The following EXOC4 variants were observed in gnomAD, a reference collection of about 807,000 sequenced individuals.
EXOC4 encodes the protein exocyst complex component 4.
In EXOC4, 71 loss-of-function variants were observed where a neutral mutation model predicts 107.2. That is an observed-to-expected ratio of 0.66 (90% CI 0.55 to 0.81). The LOEUF (loss-of-function observed/expected upper bound fraction) is 0.81, where lower values mean the gene tolerates loss of function less well. EXOC4 is among the 30% of genes least tolerant of loss of function. The pLI is 0.00. For missense variants in EXOC4, 1,108 were observed against 1,189.6 expected, an observed-to-expected ratio of 0.93 and a Z score of 1.01; for synonymous variants, 456 against 441.2, an observed-to-expected ratio of 1.03 and a Z score of -0.42.
chr7:133,834,207 C>A (rs1396932966), intron 11 of EXOC4, among the ~76,000 whole-genome samples: 1 of 151,978 alleles, frequency 6.6e-6, no homozygotes, highest in Non-Finnish European at 1.5e-5. Context: ...CCTTTTTCTC[C>A]TTTTTTTCCT....
chr7:133,836,163 G>C (rs2151243648), intron 11 of EXOC4, among the ~76,000 whole-genome samples: 1 of 152,256 alleles, frequency 6.6e-6, no homozygotes, highest in East Asian at 1.9e-4. Context: ...ATTATTCTAA[G>C]TCATAAATCT....
chr7:133,679,327 A>G (rs545028896), intron 10 of EXOC4, among the ~76,000 whole-genome samples: 147 of 152,288 alleles, frequency 9.7e-4, no homozygotes, highest in African/African-American at 3.2e-3. Context: ...TTTTGAAACA[A>G]TCTTTCTCCC....
intron 9 of EXOC4, among the ~76,000 whole-genome samples, chr7:133,522,427 A>G (rs984517938): frequency 6.6e-6 from 1 of 152,122 alleles, no homozygotes; most frequent in Non-Finnish European, 1.5e-5. Flanking sequence ...TTTTACCAAG[A>G]CATTTATCCA....
At chr7:133,598,049 A>G (rs2150984521) in intron 9 of EXOC4, among the ~76,000 whole-genome samples, 1 of 152,042 alleles carries the variant, frequency 6.6e-6, no homozygotes, top group Admixed American at 6.6e-5. Flanking sequence ...GATGACAAAA[A>G]CCTCAATTAC....
Position 134,064,292 on chromosome 7 carries a change from C to A in EXOC4, c.2689C>A (p.Gln897Lys). The A allele has an allele frequency of 7.0e-7, 1 of 1,426,520 alleles. No homozygotes were observed. The highest frequency in any genetic ancestry group is 1.7e-5 in the South Asian group (1 of 60,560). 88.4% of individuals were successfully genotyped at this position (1,426,520 alleles called of 1,614,324 possible). Residue 897 changes from glutamine to lysine, a missense_variant and splice_region_variant, in exon 18 of 18, where the codon CAG becomes AAG. By Grantham distance (53) the Gln-to-Lys change is moderately conservative. Transcript: ENST00000253861. ...CAGTGTTCTCTCTTGCTTTCTCAGG[C>A]AGTACTACGAGATGCTTTACAACAC... The part of the protein sequence containing the change: ...SREADLDFAR[Q>K]YYEMLYNTAD...
At chr7:133,693,742 T>C (rs1794471519) in intron 10 of EXOC4, among the ~76,000 whole-genome samples, 1 of 152,172 alleles carries the variant, frequency 6.6e-6, no homozygotes, top group Non-Finnish European at 1.5e-5. Flanking sequence ...CTAGCCTCCG[T>C]AGTCCCTGGC....
chr7:133,291,894 A>G (rs66905772), intron 3 of EXOC4, among the ~76,000 whole-genome samples: 44,833 of 152,018 alleles, frequency 0.29, 7,491 homozygotes, highest in African/African-American at 0.46. Context: ...TTGGTCACAC[A>G]GCAACTTATC....
chr7:133,645,470 G>A (rs1417482082), intron 10 of EXOC4, among the ~76,000 whole-genome samples: 2 of 151,802 alleles, frequency 1.3e-5, no homozygotes, highest in Admixed American at 1.3e-4. Context: ...GACCTAGCAG[G>A]TTATTTCCTG....
chr7:133,997,580 A>G lies in EXOC4; in HGVS notation c.2295A>G (p.Lys765=). The change falls in exon 15 of 18, where the codon AAA becomes AAG. Residue 765 remains lysine, a synonymous_variant. Transcript: ENST00000253861. ...QIMQTLSELA[K]SFQDMADRCL... ...TGCAGACTCTCAGTGAACTTGCCAA[A>G]TCGTTCCAGGATATGGCTGACCGCT... The G allele has an allele frequency of 1.2e-6, 2 of 1,613,684 alleles. No homozygotes were observed. The highest frequency in any genetic ancestry group is 2.2e-5 in the South Asian group (2 of 91,060).
chr7:133,621,111 G>A (rs574178351), intron 9 of EXOC4, among the ~76,000 whole-genome samples: 2 of 152,318 alleles, frequency 1.3e-5, no homozygotes, highest in South Asian at 4.1e-4. Flanking sequence ...TATGCTCATG[G>A]AAGAGCTCCA....
At chr7:133,372,634 A>G (rs967317889) in intron 6 of EXOC4, among the ~76,000 whole-genome samples, 1 of 152,084 alleles carries the variant, frequency 6.6e-6, no homozygotes, top group Non-Finnish European at 1.5e-5. Flanking sequence ...TGTGGCACTC[A>G]TTGGCCCTGG....
chr7:133,578,925 C>G (rs1435527397), intron 9 of EXOC4, among the ~76,000 whole-genome samples: 1 of 152,168 alleles, frequency 6.6e-6, no homozygotes, highest in Non-Finnish European at 1.5e-5. Flanking sequence ...CACGACTGCT[C>G]TGCCCCTATC....
At chr7:133,406,478 C>T (rs1453036015) in intron 7 of EXOC4, among the ~76,000 whole-genome samples, 1 of 152,042 alleles carries the variant, frequency 6.6e-6, no homozygotes, top group African/African-American at 2.4e-5. Context: ...CTGGTTTTAC[C>T]CTTAATGTTT....
At chr7:133,602,943 G>A (rs1415710739) in intron 9 of EXOC4, among the ~76,000 whole-genome samples, 2 of 152,104 alleles carry the variant, frequency 1.3e-5, no homozygotes, top group Non-Finnish European at 2.9e-5. Context: ...GGCTCCCTAG[G>A]TTTTAAGATG....
At chr7:133,678,613 T>G (rs916076172) in intron 10 of EXOC4, among the ~76,000 whole-genome samples, 1 of 152,042 alleles carries the variant, frequency 6.6e-6, no homozygotes, top group Non-Finnish European at 1.5e-5. Context: ...CTCTTTTTTT[T>G]TTTTTCTTCT....
rs1489910909 is a variant in EXOC4, at chr7:133,647,652, G to T, written c.1514+17511G>T. Among the ~76,000 whole-genome samples the T allele has an allele frequency of 4.6e-5, 7 of 152,034 alleles. No individual in the cohort carries two copies. The South Asian group carries it at 8.3e-4, about 18-fold the overall frequency. On this transcript the variant is annotated intron_variant, in intron 10 of 17. Transcript: ENST00000253861. Reference sequence around the variant, plus strand: ...AACCCTTACCAGAGGAGGCTCAAAGGCTCGAGGACTCTTCCATAGTGGCTC... The same window carrying T: ...AACCCTTACCAGAGGAGGCTCAAAGTCTCGAGGACTCTTCCATAGTGGCTC...
At chr7:133,449,439 A>G (rs373858188) in intron 7 of EXOC4, among the ~76,000 whole-genome samples, 4 of 152,274 alleles carry the variant, frequency 2.6e-5, no homozygotes, top group Admixed American at 1.3e-4. Flanking sequence ...AAGAACACCT[A>G]TGTTCTGAAC....
At chr7:133,792,878 G>C (rs900550473) in intron 10 of EXOC4, among the ~76,000 whole-genome samples, 2 of 152,144 alleles carry the variant, frequency 1.3e-5, no homozygotes, top group Admixed American at 6.5e-5. Context: ...TCAATGGCAG[G>C]TTGTCTATTC....
chr7:133,953,035 C>A (rs1225582074), intron 14 of EXOC4, among the ~76,000 whole-genome samples: 1 of 152,166 alleles, frequency 6.6e-6, no homozygotes, highest in Non-Finnish European at 1.5e-5. Flanking sequence ...GGAAATTAGT[C>A]ATTTGAGATT....
Sources: gnomAD v4.1 joint callset for allele counts (sites outside exome capture counted in the v4.1 genomes callset) on GRCh38, gnomAD v4.1.1 for gene constraint, MANE v1.5 for transcripts, NCBI Gene and HGNC (gene_info 2026-07-23, HGNC 2026-07-21) for gene names.